Variants in RYR2 observed in about 807,000 individuals in gnomAD.
RYR2 encodes the protein ryanodine receptor 2.
RYR2 carries 227 observed loss-of-function variants against 601.1 expected under a neutral mutation model. The ratio of observed to expected loss-of-function variants is 0.38; its 90% CI spans 0.34 to 0.42. The LOEUF (loss-of-function observed/expected upper bound fraction) is 0.42, where lower values mean the gene tolerates loss of function less well. RYR2 is among the 10% of genes least tolerant of loss of function. RYR2 has a pLI of 1.00. For missense variants in RYR2, 4,646 were observed against 6,156.5 expected, an observed-to-expected ratio of 0.75 and a Z score of 8.21; for synonymous variants, 2,223 against 2,175.1, an observed-to-expected ratio of 1.02 and a Z score of -0.61.
At chr1:237,345,416 A>G (rs1410777815) in intron 3 of RYR2, among the ~76,000 whole-genome samples, 2 of 151,808 alleles carry the variant, frequency 1.3e-5, no homozygotes, top group Non-Finnish European at 2.9e-5. Context: ...AGTGAGTGCT[A>G]CTATATTCCA....
At chr1:237,777,469 T>G (rs982598419) in intron 87 of RYR2, among the ~76,000 whole-genome samples, 19 of 152,190 alleles carry the variant, frequency 1.2e-4, no homozygotes, top group Non-Finnish European at 2.6e-4. Flanking sequence ...TTTAAAGGTA[T>G]TATAAGTTAT....
At chr1:237,520,585 A>T (rs1485692773) in intron 24 of RYR2, among the ~76,000 whole-genome samples, 1 of 152,136 alleles carries the variant, frequency 6.6e-6, no homozygotes, top group Non-Finnish European at 1.5e-5. Context: ...TTGTTGGTTC[A>T]GTTTTTGCGA....
At chr1:237,286,845 C>G (rs987218491) in intron 2 of RYR2, among the ~76,000 whole-genome samples, 3 of 151,744 alleles carry the variant, frequency 2.0e-5, no homozygotes, top group African/African-American at 7.3e-5. Context: ...TCATCCAGCC[C>G]TTTGTTGCCT....
At chr1:237,362,252 A>G (rs1699839119) in intron 4 of RYR2, among the ~76,000 whole-genome samples, 1 of 152,238 alleles carries the variant, frequency 6.6e-6, no homozygotes, top group African/African-American at 2.4e-5. Flanking sequence ...AAAAATTCTA[A>G]GACAGCACGT....
rs564229358 is a variant in RYR2 at position 237,363,294 on chromosome 1, A to G, written c.295-1064A>G. ...ATATTATGTATGATTAATATCAGTT[A>G]TAAAAAGGTAACTAAACAGCCTGTA... On this transcript the variant is annotated intron_variant, in intron 4 of 104. Coordinates refer to ENST00000366574, the MANE Select transcript of RYR2 (RefSeq NM_001035.3). Among the ~76,000 whole-genome samples the G allele has an allele frequency of 1.7e-3, 263 of 152,252 alleles. 1 individual carries two copies. Among genetic ancestry groups the G allele is most frequent in the Middle Eastern group, 0.017 (5 of 294 alleles).
chr1:237,715,242 C>T (rs913333323), intron 71 of RYR2, among the ~76,000 whole-genome samples: 6 of 152,122 alleles, frequency 3.9e-5, no homozygotes, highest in African/African-American at 9.7e-5. Flanking sequence ...TACAGAGAAA[C>T]GACAAAACAG....
intron 80 of RYR2, among the ~76,000 whole-genome samples, chr1:237,751,845 T>C (rs1692560699): frequency 6.6e-6 from 1 of 152,224 alleles, no homozygotes; most frequent in Non-Finnish European, 1.5e-5. Context: ...TGGATAATGA[T>C]GAAAGATCTG....
intron 73 of RYR2, among the ~76,000 whole-genome samples, chr1:237,721,782 A>G (rs1464895411): frequency 6.6e-6 from 1 of 152,146 alleles, no homozygotes; most frequent in Non-Finnish European, 1.5e-5. Context: ...GGCCTCCCAA[A>G]GTGCTGGGAT....
intron 12 of RYR2, among the ~76,000 whole-genome samples, chr1:237,437,458 T>A (rs1707517276): frequency 6.6e-6 from 1 of 152,186 alleles, no homozygotes; most frequent in Non-Finnish European, 1.5e-5. Context: ...GCACAGTTTT[T>A]ATGGGAAATC....
intron 58 of RYR2, among the ~76,000 whole-genome samples, chr1:237,668,517 C>T (rs1190822238): frequency 6.6e-6 from 1 of 152,204 alleles, no homozygotes; most frequent in African/African-American, 2.4e-5. Flanking sequence ...AGTCTATACA[C>T]ATATTGTTTA....
intron 8 of RYR2, among the ~76,000 whole-genome samples, chr1:237,382,238 A>G (rs1301882536): frequency 6.6e-6 from 1 of 152,204 alleles, no homozygotes; most frequent in Non-Finnish European, 1.5e-5. Context: ...TTGCCAAATA[A>G]ACAACTGATT....
intron 25 of RYR2, among the ~76,000 whole-genome samples, chr1:237,535,484 T>TACACATACACACACACACAC (rs1553488498): frequency 4.1e-5 from 6 of 144,634 alleles, no homozygotes; most frequent in Non-Finnish European, 7.6e-5. Context: ...CAAACACACA[T>TACACATACACACACACACAC]ACACACACAC....
At chr1:237,827,688 C>T (rs1663279442) in intron 101 of RYR2, among the ~76,000 whole-genome samples, 1 of 149,720 alleles carries the variant, frequency 6.7e-6, no homozygotes, top group African/African-American at 2.5e-5. Context: ...CCTGTAATCC[C>T]AGCACTTTGG....
intron 1 of RYR2, among the ~76,000 whole-genome samples, chr1:237,253,756 C>T (rs774397124): frequency 6.6e-6 from 1 of 152,176 alleles, no homozygotes; most frequent in Non-Finnish European, 1.5e-5. Context: ...TGGAGAAAAG[C>T]CTTCAGCTGA....
chr1:237,127,016 C>T (rs371032347), intron 1 of RYR2, among the ~76,000 whole-genome samples: 46 of 151,650 alleles, frequency 3.0e-4, no homozygotes, highest in East Asian at 1.6e-3. Context: ...CAAGCATCTG[C>T]TTAACAAAGC....
At chr1:237,125,953 G>A (rs1446408817) in intron 1 of RYR2, among the ~76,000 whole-genome samples, 1 of 152,196 alleles carries the variant, frequency 6.6e-6, no homozygotes, top group Non-Finnish European at 1.5e-5. Flanking sequence ...GTACAAAACT[G>A]AGGCCGGGCA....
At chr1:237,427,029 A>G (rs1706240983) in intron 12 of RYR2, among the ~76,000 whole-genome samples, 1 of 152,234 alleles carries the variant, frequency 6.6e-6, no homozygotes, top group Admixed American at 6.5e-5. Flanking sequence ...AAACTCAAGT[A>G]ATGGAAGCAT....
intron 13 of RYR2, among the ~76,000 whole-genome samples, chr1:237,444,310 G>A (rs571069773): frequency 1.3e-5 from 2 of 152,108 alleles, no homozygotes; most frequent in South Asian, 2.1e-4. Context: ...CATGAAAACC[G>A]CAAGTTCTTT....
At chr1:237,649,494 T>C (rs546644250) in intron 49 of RYR2, among the ~76,000 whole-genome samples, 1 of 152,286 alleles carries the variant, frequency 6.6e-6, no homozygotes, top group African/African-American at 2.4e-5. Context: ...TCAGAAAGAA[T>C]TTACGCATAT....
Sources: allele counts gnomAD v4.1 joint callset (sites outside exome capture counted in the v4.1 genomes callset), GRCh38; gene constraint gnomAD v4.1.1; transcripts MANE v1.5; gene names NCBI Gene and HGNC (gene_info 2026-07-23, HGNC 2026-07-21).